ITPR1: variants seen among roughly 807,000 people sequenced by gnomAD.
ITPR1 encodes inositol 1,4,5-trisphosphate-gated calcium channel ITPR1.
Under a neutral mutation model 318.4 loss-of-function variants are expected in ITPR1, and 96 were observed. That is an observed-to-expected ratio of 0.30 (90% confidence interval 0.26 to 0.36). The LOEUF is 0.36. Among genes scored for constraint, ITPR1 ranks in the 10% least tolerant of loss-of-function variants. ITPR1 has a pLI of 1.00. For missense variants in ITPR1, 2,440 were observed against 3,460.2 expected, an observed-to-expected ratio of 0.71 and a Z score of 7.40; for synonymous variants, 1,312 against 1,289.9, an observed-to-expected ratio of 1.02 and a Z score of -0.37.
intron 37 of ITPR1, among the ~76,000 whole-genome samples, chr3:4,707,378 T>A (rs1264369945): frequency 1.3e-5 from 2 of 152,238 alleles, no homozygotes; most frequent in African/African-American, 2.4e-5. Context: ...TGATGCTGGT[T>A]GTCAGGTGGG....
chr3:4,831,319 G>C (rs2050494792), intron 60 of ITPR1: 1 of 262,504 alleles, frequency 3.8e-6, no homozygotes, highest in Non-Finnish European at 7.7e-6. Flanking sequence ...TGGTCAGCCT[G>C]CTTCCGGCTG....
chr3:4,734,429 G>A (rs1470382117), intron 43 of ITPR1, among the ~76,000 whole-genome samples: 2 of 152,160 alleles, frequency 1.3e-5, no homozygotes, highest in African/African-American at 2.4e-5. Flanking sequence ...TAAAGGAGGT[G>A]ACATTGGAAT....
intron 14 of ITPR1, among the ~76,000 whole-genome samples, chr3:4,661,574 A>G (rs1301164003): frequency 6.6e-6 from 1 of 150,634 alleles, no homozygotes; most frequent in African/African-American, 2.5e-5. Context: ...GTAAATAGAC[A>G]TGGGGGTTTT....
At chr3:4,804,103 C>T (rs1281393254) in intron 54 of ITPR1, among the ~76,000 whole-genome samples, 1 of 152,196 alleles carries the variant, frequency 6.6e-6, no homozygotes. Context: ...AACTCCTGAG[C>T]TCAGGCAATC....
intron 2 of ITPR1, among the ~76,000 whole-genome samples, chr3:4,510,299 C>T (rs1028918267): frequency 2.0e-5 from 3 of 152,038 alleles, no homozygotes; most frequent in African/African-American, 7.2e-5. Context: ...TGAAGAGCTC[C>T]AAAGAGATGT....
intron 48 of ITPR1, among the ~76,000 whole-genome samples, chr3:4,777,803 C>CA: frequency 6.6e-6 from 1 of 151,256 alleles, no homozygotes; most frequent in Non-Finnish European, 1.5e-5. Flanking sequence ...AAAAAAAACC[C>CA]AAAAAAACAA....
intron 13 of ITPR1, 100 bp downstream of exon 13, chr3:4,658,378 A>G (rs2093759560): frequency 6.8e-6 from 7 of 1,033,316 alleles, no homozygotes; most frequent in Non-Finnish European, 8.3e-6. Flanking sequence ...TTTCTTTTAG[A>G]TTTTTATAAA....
At chr3:4,520,292 A>G (rs982225761) in intron 3 of ITPR1, among the ~76,000 whole-genome samples, 1 of 152,190 alleles carries the variant, frequency 6.6e-6, no homozygotes, top group Non-Finnish European at 1.5e-5. Context: ...TGCAAGTTAG[A>G]CTTAGCAGTC....
intron 4 of ITPR1, among the ~76,000 whole-genome samples, chr3:4,577,212 A>C (rs2088775888): frequency 6.6e-6 from 1 of 152,248 alleles, no homozygotes; most frequent in African/African-American, 2.4e-5. Flanking sequence ...AGGACGAGCC[A>C]CACGGCTCTC....
intron 2 of ITPR1, among the ~76,000 whole-genome samples, chr3:4,503,752 A>T (rs1221912157): frequency 6.6e-6 from 1 of 151,996 alleles, no homozygotes; most frequent in African/African-American, 2.4e-5. Context: ...CGGTTAAGAA[A>T]CCCTGTCCTT....
At chr3:4,665,780 T>G (rs773642431) in intron 17 of ITPR1, among the ~76,000 whole-genome samples, 19 of 152,360 alleles carry the variant, frequency 1.2e-4, no homozygotes, top group Middle Eastern at 3.4e-3. Flanking sequence ...ACATAGTATA[T>G]GTGTATTTAT....
chr3:4,665,412 C>A (rs2093924864), intron 17 of ITPR1, 116 bp downstream of exon 17: 2 of 895,590 alleles, frequency 2.2e-6, no homozygotes, highest in African/African-American at 1.7e-5. Context: ...CAGAATAGTT[C>A]AGTGTTGAGC....
At chr3:4,659,476 G>C (rs1575957970) in intron 13 of ITPR1, among the ~76,000 whole-genome samples, 1 of 152,154 alleles carries the variant, frequency 6.6e-6, no homozygotes, top group South Asian at 2.1e-4. Context: ...ATTGAGTCCA[G>C]GTGTTTGAGA....
At chr3:4,521,666 C>G (rs1414594273) in intron 4 of ITPR1, among the ~76,000 whole-genome samples, 1 of 152,114 alleles carries the variant, frequency 6.6e-6, no homozygotes, top group African/African-American at 2.4e-5. Context: ...TCTGGGAATT[C>G]TAGACCAGCC....
chr3:4,665,330 A>G (rs374491139), intron 17 of ITPR1, 34 bp downstream of exon 17: 47 of 1,578,758 alleles, frequency 3.0e-5, no homozygotes, highest in Non-Finnish European at 4.0e-5. Flanking sequence ...TGTGGTTGTC[A>G]GTTTCCTCCC....
chr3:4,727,211 A>G (rs2042580729), intron 42 of ITPR1, 38 bp downstream of exon 42: 1 of 1,500,012 alleles, frequency 6.7e-7, no homozygotes, highest in Non-Finnish European at 9.1e-7. Context: ...GGAGCTAATG[A>G]TCAATGACCG....
At chr3:4,730,905 G>T (rs751884537) in intron 42 of ITPR1, among the ~76,000 whole-genome samples, 1 of 152,046 alleles carries the variant, frequency 6.6e-6, no homozygotes, top group Non-Finnish European at 1.5e-5. Context: ...CCCTGGCTGC[G>T]GCTTACGGGT....
chr3:4,504,232 G>A (rs2081242772), intron 2 of ITPR1, among the ~76,000 whole-genome samples: 1 of 152,130 alleles, frequency 6.6e-6, no homozygotes, highest in Admixed American at 6.5e-5. Flanking sequence ...TACCTGGTTG[G>A]GGAAAAGGTT....
intron 44 of ITPR1, among the ~76,000 whole-genome samples, chr3:4,739,612 C>T (rs2043551534): frequency 6.6e-6 from 1 of 152,216 alleles, no homozygotes; most frequent in South Asian, 2.1e-4. Flanking sequence ...CTGGACAAAA[C>T]CCATGATAAA....
Sources: allele counts gnomAD v4.1 joint callset (sites outside exome capture counted in the v4.1 genomes callset), GRCh38; gene constraint gnomAD v4.1.1; transcripts MANE v1.5; gene names NCBI Gene and HGNC (gene_info 2026-07-23, HGNC 2026-07-21).